The following SLC36A1 variants were observed in gnomAD, a reference collection of about 807,000 sequenced individuals.
SLC36A1 encodes the protein proton-coupled amino acid transporter 1.
In SLC36A1, 30 loss-of-function variants were observed where a neutral mutation model predicts 47.5. The ratio of observed to expected loss-of-function variants is 0.63; its 90% CI spans 0.47 to 0.86. SLC36A1 has a LOEUF of 0.86. Among genes scored for constraint, SLC36A1 ranks in the 40% least tolerant of loss-of-function variants. The probability of loss-of-function intolerance (pLI) is 0.00; values close to 1 mark genes in which losing one functional copy is unlikely to be tolerated. For synonymous variants in SLC36A1, 255 were observed against 249.7 expected, an observed-to-expected ratio of 1.02 and a Z score of -0.20; for missense variants, 517 against 606.0, an observed-to-expected ratio of 0.85 and a Z score of 1.54.
chr5:151,458,304 G>GTGTGTGTGTATATATA (rs1175105944), intron 1 of SLC36A1, among the ~76,000 whole-genome samples: 1 of 76,592 alleles, frequency 1.3e-5, no homozygotes, highest in Non-Finnish European at 2.5e-5. Flanking sequence ...ACATACACGT[G>GTGTGTGTGTATATATA]TATATACGTA....
In SLC36A1 at chr5:151,464,949, C is replaced by A; in HGVS notation, c.324-125C>A. ...ATCTTTGAAAGCACGAGATACAGGA[C>A]TCAGAGTGGTACCTCCAGGGTGAAA... On this transcript the variant is annotated intron_variant, in intron 4 of 10. Transcript: ENST00000243389. 3 of 747,632 alleles carry A rather than the reference C, an allele frequency of 4.0e-6. No homozygotes were observed. In the South Asian group the frequency reaches 4.7e-5, roughly 12 times the overall value. The allele number at this position is 747,632 out of a possible 1,614,324, so 46.3% of individuals were successfully genotyped here.
At chr5:151,414,090 A>G in the SLC36A1 span, among the ~76,000 whole-genome samples, 1 of 152,188 alleles carries the variant, frequency 6.6e-6, no homozygotes, top group Admixed American at 6.5e-5. Context: ...ACCCTCTATG[A>G]GCTCACAGGC....
chr5:151,397,382 A>C, the SLC36A1 span, among the ~76,000 whole-genome samples: 1 of 152,230 alleles, frequency 6.6e-6, no homozygotes, highest in African/African-American at 2.4e-5. Flanking sequence ...TTGGAAAGTC[A>C]AGAAGGTGAG....
the SLC36A1 span, among the ~76,000 whole-genome samples, chr5:151,418,269 G>A: frequency 2.0e-5 from 3 of 152,244 alleles, no homozygotes; most frequent in Non-Finnish European, 4.4e-5. Flanking sequence ...CTGGGACACT[G>A]TCTAATGGAG....
chr5:151,505,635 A>C, the SLC36A1 span: 3 of 1,614,056 alleles, frequency 1.9e-6, no homozygotes, highest in South Asian at 1.1e-5. Flanking sequence ...GTTGGGGGGC[A>C]CCCGGGGCTG....
the SLC36A1 span, chr5:151,550,530 T>G: frequency 2.6e-6 from 4 of 1,565,060 alleles, no homozygotes; most frequent in Non-Finnish European, 3.5e-6. Context: ...TCTCCAAGCA[T>G]GTCCACCCCT....
chr5:151,426,820 T>C, the SLC36A1 span, among the ~76,000 whole-genome samples: 4 of 152,224 alleles, frequency 2.6e-5, no homozygotes, highest in African/African-American at 9.6e-5. Flanking sequence ...CCAGGCTTTC[T>C]TGGGCAGAGG....
At chr5:151,421,072 A>G in the SLC36A1 span, among the ~76,000 whole-genome samples, 1 of 151,348 alleles carries the variant, frequency 6.6e-6, no homozygotes. Context: ...ACGGGGTTTC[A>G]CCGTGTTAGC....
At chr5:151,453,065 G>A (rs139524988) in intron 1 of SLC36A1, among the ~76,000 whole-genome samples, 2,886 of 149,738 alleles carry the variant, frequency 0.019, 50 homozygotes, top group Non-Finnish European at 0.028. Context: ...TTAGCCAGTT[G>A]TGGTGGCGCA....
At chr5:151,439,901 A>G (rs1481796558) in intron 1 of SLC36A1, among the ~76,000 whole-genome samples, 2 of 152,042 alleles carry the variant, frequency 1.3e-5, no homozygotes, top group Admixed American at 1.3e-4. Flanking sequence ...TAGGAATTTT[A>G]TTTTTTCTAA....
the SLC36A1 span, among the ~76,000 whole-genome samples, chr5:151,501,010 CAGG>C: frequency 3.9e-5 from 6 of 152,178 alleles, no homozygotes; most frequent in Non-Finnish European, 7.4e-5. Flanking sequence ...GTTCCCCATC[CAGG>C]AGAATGGGAG....
chr5:151,505,216 C>G, the SLC36A1 span: 2 of 380,100 alleles, frequency 5.3e-6, no homozygotes, highest in African/African-American at 4.2e-5. Flanking sequence ...GTTGAGCCAG[C>G]ACAGTCAATC....
chr5:151,390,807 T>G, the SLC36A1 span, among the ~76,000 whole-genome samples: 2 of 152,348 alleles, frequency 1.3e-5, no homozygotes, highest in Non-Finnish European at 1.5e-5. Context: ...TTGGTTACTG[T>G]AGCCTTGTAA....
At chr5:151,424,375 C>T in the SLC36A1 span, among the ~76,000 whole-genome samples, 1 of 152,152 alleles carries the variant, frequency 6.6e-6, no homozygotes, top group Non-Finnish European at 1.5e-5. Context: ...AGGGACAAAA[C>T]TGATCTCCAG....
intron 7 of SLC36A1, among the ~76,000 whole-genome samples, chr5:151,469,914 G>A (rs1757081446): frequency 3.3e-5 from 5 of 152,100 alleles, no homozygotes. Flanking sequence ...ATAGTTTCCA[G>A]GAAGACAGTG....
the SLC36A1 span, among the ~76,000 whole-genome samples, chr5:151,520,901 G>A: frequency 2.0e-5 from 3 of 152,204 alleles, no homozygotes; most frequent in Admixed American, 2.0e-4. Context: ...TAGTACTGAT[G>A]TAATTCCTAC....
chr5:151,427,245 C>T, the SLC36A1 span, among the ~76,000 whole-genome samples: 2 of 152,324 alleles, frequency 1.3e-5, no homozygotes, highest in Admixed American at 1.3e-4. Flanking sequence ...ATACATATTA[C>T]ACATACACAT....
At chr5:151,376,930 G>A in the SLC36A1 span, among the ~76,000 whole-genome samples, 1 of 152,144 alleles carries the variant, frequency 6.6e-6, no homozygotes, top group Non-Finnish European at 1.5e-5. Flanking sequence ...GCCGCACCCG[G>A]CCAAAAAAAT....
At chr5:151,406,163 C>G in the SLC36A1 span, among the ~76,000 whole-genome samples, 1 of 152,200 alleles carries the variant, frequency 6.6e-6, no homozygotes, top group Non-Finnish European at 1.5e-5. Flanking sequence ...TGGCAGTTTG[C>G]ACAGCTTCCT....
Sources: allele counts gnomAD v4.1 joint callset (sites outside exome capture counted in the v4.1 genomes callset), GRCh38; gene constraint gnomAD v4.1.1; transcripts MANE v1.5; gene names NCBI Gene and HGNC (gene_info 2026-07-23, HGNC 2026-07-21).